The following CSDE1 variants were observed in gnomAD, a reference collection of about 807,000 sequenced individuals.
CSDE1 encodes cold shock domain-containing protein E1.
A neutral mutation model predicts 89.3 loss-of-function variants in CSDE1; 17 were observed. That is an observed-to-expected ratio of 0.19 (90% CI 0.13 to 0.29). CSDE1 has a LOEUF of 0.29. Ranked by LOEUF, CSDE1 falls within the 10% of genes least tolerant of loss-of-function variation. The probability of loss-of-function intolerance (pLI) is 1.00; values close to 1 mark genes in which losing one functional copy is unlikely to be tolerated. For synonymous variants in CSDE1, 322 were observed against 332.8 expected, an observed-to-expected ratio of 0.97 and a Z score of 0.35; for missense variants, 672 against 984.2, an observed-to-expected ratio of 0.68 and a Z score of 4.24.
rs752985259 is a variant in CSDE1 at position 114,738,661 on chromosome 1, C to CTTTTTT, written c.200-595_200-590dup. ...AAGCCAAACACTTCACATGTAAAAA[C>CTTTTTT]TTTTTTTTTTTTTTTTTTTTTTTTT... On this transcript the variant is annotated intron_variant, in intron 3 of 19. Transcript: ENST00000358528. Among the ~76,000 whole-genome samples the CTTTTTT allele has an allele frequency of 1.3e-3, 103 of 80,042 alleles. 16 individuals carry two copies. The highest frequency in any genetic ancestry group is 4.7e-3 in the African/African-American group (91 of 19,346). 52.5% of individuals were successfully genotyped at this position (80,042 alleles called of 152,430 possible).
intron 2 of CSDE1, among the ~76,000 whole-genome samples, chr1:114,740,706 T>C (rs752399843): frequency 5.9e-5 from 9 of 152,208 alleles, no homozygotes; most frequent in African/African-American, 1.7e-4. Flanking sequence ...TACTATCACA[T>C]TGGATGTTCC....
At chr1:114,738,780 C>G (rs1186345255) in intron 3 of CSDE1, among the ~76,000 whole-genome samples, 1 of 149,708 alleles carries the variant, frequency 6.7e-6, no homozygotes, top group African/African-American at 2.5e-5. Flanking sequence ...AAGCGATCCT[C>G]CCACCTCAGT....
Position 114,718,152 on chromosome 1 carries a change from G to A in CSDE1, c.*17C>T. 1 of 1,613,846 alleles carries A rather than the reference G, an allele frequency of 6.2e-7. No individual in the cohort carries two copies. Among genetic ancestry groups the A allele is most frequent in the Non-Finnish European group, 8.5e-7 (1 of 1,179,850 alleles). On this transcript the variant is annotated 3_prime_UTR_variant, in exon 20 of 20. Coordinates refer to ENST00000358528, the MANE Select transcript of CSDE1 (RefSeq NM_001007553.3). Reference sequence around the variant, plus strand: ...AACTTGATCATAGTGGATTAATGGTGTGCTTTGTGGATGTGGTTAGTCAAT... The same window carrying A: ...AACTTGATCATAGTGGATTAATGGTATGCTTTGTGGATGTGGTTAGTCAAT...
chr1:114,755,735 G>A (rs1661562164), intron 1 of CSDE1, among the ~76,000 whole-genome samples: 1 of 152,200 alleles, frequency 6.6e-6, no homozygotes, highest in Admixed American at 6.5e-5. Flanking sequence ...AAGCTAAGAA[G>A]AAGGCACATC....
intron 1 of CSDE1, among the ~76,000 whole-genome samples, chr1:114,752,788 C>T (rs1362839015): frequency 6.6e-6 from 1 of 152,208 alleles, no homozygotes. Context: ...CTGCCTGCAC[C>T]AAGCAATTTG....
At position 114,718,003 on chromosome 1, in the gene CSDE1, TA is replaced by T; in HGVS notation, c.*165del. 1 of 634,424 alleles carries T rather than the reference TA, an allele frequency of 1.6e-6. No homozygotes were observed. Among genetic ancestry groups the T allele is most frequent in the African/African-American group, 1.9e-5 (1 of 53,948 alleles). The allele number at this position is 634,424 out of a possible 1,614,324, so 39.3% of individuals were successfully genotyped here. On this transcript the variant is annotated 3_prime_UTR_variant, in exon 20 of 20. Coordinates refer to ENST00000358528, the MANE Select transcript of CSDE1 (RefSeq NM_001007553.3). Reference sequence around the variant, plus strand: ...TTAAAATGGTTTTCTTAAATTTATTTATTTTTTTAAACATAACACGAGGAAG... The same window carrying T: ...TTAAAATGGTTTTCTTAAATTTATTTTTTTTTTAAACATAACACGAGGAAG...
At chr1:114,738,549 GC>G (rs1249174754) in intron 3 of CSDE1, among the ~76,000 whole-genome samples, 3 of 150,260 alleles carry the variant, frequency 2.0e-5, no homozygotes, top group Non-Finnish European at 4.4e-5. Context: ...TGTTCCTATA[GC>G]ATGCATCTTG....
chr1:114,726,436 C>T, intron 13 of CSDE1, 50 bp from the exon 14 acceptor site: 1 of 1,450,618 alleles, frequency 6.9e-7, no homozygotes, highest in Non-Finnish European at 9.3e-7. Context: ...CCACACCAAT[C>T]TCCTTAACTC....
chr1:114,732,742 C>A lies in CSDE1; in HGVS notation c.912G>T (p.Thr304=), dbSNP rs61751186. 1.9e-6 allele frequency: 3 copies of A among 1,614,106 alleles called. No homozygotes were observed. Among genetic ancestry groups the A allele is most frequent in the Non-Finnish European group, 1.7e-6 (2 of 1,180,004 alleles). ...CTTCCAGCAGGGTCACCTTGGATTT[C>A]GTATCTTTGTCTCCAAAGGGAAGTT... ...PKELPFGDKD[T]KSKVTLLEGD... Residue 304 remains threonine (T), a synonymous_variant, in exon 10 of 20, where the codon ACG becomes ACT. Transcript: ENST00000358528.
intron 3 of CSDE1, 143 bp downstream of exon 3, chr1:114,739,547 TAC>T (rs1660605702): frequency 6.1e-6 from 4 of 651,240 alleles, no homozygotes; most frequent in South Asian, 1.9e-5. Context: ...TGCTGGTTTA[TAC>T]AGATATTCTT....
chr1:114,733,748 A>G lies in CSDE1; in HGVS notation c.821T>C (p.Val274Ala). ...ATTATTTACCTGGTTTTTACTGGGT[A>G]CTTTTGGGATAACTTTGGTTACAGT... ...EGTVTKVIPKVPSKNQNDPLP... is the reference protein window; with the variant it reads ...EGTVTKVIPKAPSKNQNDPLP... Residue 274 changes from valine (V) to alanine (A), a missense_variant, in exon 9 of 20, where the codon GTA becomes GCA. Transcript: ENST00000358528. The G allele has an allele frequency of 6.2e-7, 1 of 1,613,674 alleles. No homozygotes were observed. The highest frequency in any genetic ancestry group is 8.5e-7 in the Non-Finnish European group (1 of 1,179,868).
intron 15 of CSDE1, among the ~76,000 whole-genome samples, chr1:114,724,666 A>C (rs1324880021): frequency 6.6e-6 from 1 of 152,162 alleles, no homozygotes; most frequent in African/African-American, 2.4e-5. Flanking sequence ...TCTTCAAAAC[A>C]ATCTTCTAGG....
chr1:114,742,992 A>C (rs1201068565), intron 2 of CSDE1, among the ~76,000 whole-genome samples: 1 of 152,214 alleles, frequency 6.6e-6, no homozygotes, highest in Non-Finnish European at 1.5e-5. Context: ...TACAATGCAG[A>C]CACAGAATTA....
chr1:114,739,397 A>G (rs946439526), intron 3 of CSDE1, among the ~76,000 whole-genome samples: 2 of 152,222 alleles, frequency 1.3e-5, no homozygotes, highest in African/African-American at 4.8e-5. Context: ...TGACAGAATA[A>G]TCATAAGTAA....
Position 114,720,732 on chromosome 1 carries a change from C to T in CSDE1, c.1874-15G>A. The T allele has an allele frequency of 1.9e-6, 3 of 1,612,732 alleles. No individual in the cohort carries two copies. The highest frequency in any genetic ancestry group is 4.5e-5 in the East Asian group (2 of 44,850). ...TTTCATATCGCCTGTAAAACAGGTA[C>T]AAAGTCTAAAAGCTAGTATTTCACA... is the stretch of plus-strand genomic sequence containing the variant. On this transcript the variant is annotated splice_polypyrimidine_tract_variant and intron_variant, in intron 16 of 19. Transcript: ENST00000358528.
At chr1:114,743,097 T>A (rs1487205001) in intron 2 of CSDE1, among the ~76,000 whole-genome samples, 1 of 152,232 alleles carries the variant, frequency 6.6e-6, no homozygotes, top group Admixed American at 6.5e-5. Flanking sequence ...TTATTCTAGA[T>A]CACTGAGGGA....
chr1:114,747,453 T>C (rs191085499), intron 2 of CSDE1, among the ~76,000 whole-genome samples: 12 of 152,374 alleles, frequency 7.9e-5, no homozygotes, highest in Admixed American at 2.6e-4. Flanking sequence ...GATGCATTTA[T>C]ATATTAAAAT....
intron 16 of CSDE1, among the ~76,000 whole-genome samples, chr1:114,721,701 C>T (rs963383209): frequency 1.3e-5 from 2 of 151,742 alleles, no homozygotes; most frequent in East Asian, 3.9e-4. Flanking sequence ...GTGATCCTCC[C>T]ACCTCAGCTC....
intron 12 of CSDE1, among the ~76,000 whole-genome samples, chr1:114,729,705 T>G (rs996433190): frequency 1.3e-5 from 2 of 152,174 alleles, no homozygotes; most frequent in Admixed American, 1.3e-4. Context: ...AATAGCAATA[T>G]TTTATATTCT....
Sources: allele counts gnomAD v4.1 joint callset (sites outside exome capture counted in the v4.1 genomes callset), GRCh38; gene constraint gnomAD v4.1.1; transcripts MANE v1.5; gene names NCBI Gene and HGNC (gene_info 2026-07-23, HGNC 2026-07-21).